Variants in CRTAC1 observed in about 807,000 individuals in gnomAD.
CRTAC1 encodes acidic secreted protein in cartilage.
Under a neutral mutation model 67.8 loss-of-function variants are expected in CRTAC1, and 37 were observed. The observed-to-expected ratio is 0.55, with a 90% CI of 0.42 to 0.72. CRTAC1 has a LOEUF of 0.72. CRTAC1 is among the 30% of genes least tolerant of loss of function. The pLI, the probability that CRTAC1 is intolerant of heterozygous loss-of-function variation, is 0.00. For synonymous variants in CRTAC1, 348 were observed against 371.0 expected (o/e 0.94, Z 0.71); for missense variants, 780 against 931.6 (o/e 0.84, Z 2.12).
At chr10:97,997,225 T>TA (rs1842596943) in intron 2 of CRTAC1, among the ~76,000 whole-genome samples, 1 of 120,734 alleles carries the variant, frequency 8.3e-6, no homozygotes, top group Non-Finnish European at 1.7e-5. Flanking sequence ...CCCTAAAACT[T>TA]AAAGTATAAT....
chr10:97,971,286 A>C (rs913201291), intron 2 of CRTAC1, among the ~76,000 whole-genome samples: 1 of 152,266 alleles, frequency 6.6e-6, no homozygotes, highest in African/African-American at 2.4e-5. Flanking sequence ...GCATAAACAA[A>C]ATGTGGTATA....
chr10:97,906,920 A>T (rs1451488201), intron 6 of CRTAC1, among the ~76,000 whole-genome samples: 10 of 152,232 alleles, frequency 6.6e-5, no homozygotes, highest in African/African-American at 2.4e-4. Flanking sequence ...CAGAGCTTGC[A>T]GGACCCTTGA....
chr10:97,886,627 T>A (rs2136544379), intron 11 of CRTAC1, among the ~76,000 whole-genome samples: 1 of 147,484 alleles, frequency 6.8e-6, no homozygotes. Context: ...GAGTGCCAAC[T>A]ACAGATTTTT....
chr10:97,922,782 C>T (rs2050858906), intron 4 of CRTAC1, among the ~76,000 whole-genome samples: 1 of 152,194 alleles, frequency 6.6e-6, no homozygotes, highest in African/African-American at 2.4e-5. Flanking sequence ...AGGCAACCCT[C>T]CCTTCACCCA....
intron 5 of CRTAC1, among the ~76,000 whole-genome samples, chr10:97,908,999 T>C (rs1274312550): frequency 6.6e-6 from 1 of 152,238 alleles, no homozygotes; most frequent in Non-Finnish European, 1.5e-5. Flanking sequence ...AGTTGGCCTT[T>C]TTTCTTTGAA....
At chr10:97,879,377 C>T (rs56234793) in intron 14 of CRTAC1, among the ~76,000 whole-genome samples, 4,239 of 152,152 alleles carry the variant, frequency 0.028, 216 homozygotes, top group African/African-American at 0.097. Flanking sequence ...AATGAGCTCA[C>T]GAGACACTGG....
At chr10:98,011,501 G>A (rs1290592515) in intron 1 of CRTAC1, among the ~76,000 whole-genome samples, 164 bp from the exon 2 acceptor site, 1 of 148,152 alleles carries the variant, frequency 6.7e-6, no homozygotes, top group Non-Finnish European at 1.5e-5. Context: ...CCCCTCCCTT[G>A]CCCTCCCCAC....
intron 1 of CRTAC1, among the ~76,000 whole-genome samples, chr10:98,016,537 T>C (rs1020651560): frequency 6.6e-6 from 1 of 152,092 alleles, no homozygotes; most frequent in Non-Finnish European, 1.5e-5. Context: ...TCCCAGGAAG[T>C]TGTCAGGTGA....
rs2051085432 is a variant in CRTAC1 at position 97,936,247 on chromosome 10, A to G, written c.344T>C (p.Ile115Thr). 6.2e-7 allele frequency: 1 copy of G among 1,613,982 alleles called. No homozygotes were observed. The highest frequency in any genetic ancestry group is 8.5e-7 in the Non-Finnish European group (1 of 1,179,986). Residue 115 changes from isoleucine (I) to threonine (T), a missense_variant, in exon 3 of 15, where the codon ATC (isoleucine) becomes ACC (threonine). Coordinates refer to ENST00000370597, the MANE Select transcript of CRTAC1 (RefSeq NM_018058.7). ...GTCGATGTCGCAGGCTGTGACCCCG[A>G]TGGCGTTCCCCTGCCGGTCCCGCAG... is the stretch of plus-strand genomic sequence containing the variant. ...YALRDRQGNA[I>T]GVTACDIDGD...
At chr10:97,978,879 C>T (rs994041060) in intron 2 of CRTAC1, among the ~76,000 whole-genome samples, 1 of 152,160 alleles carries the variant, frequency 6.6e-6, no homozygotes, top group Non-Finnish European at 1.5e-5. Context: ...TGGGCTGTCT[C>T]GTCTACCATT....
chr10:97,942,746 T>C lies in CRTAC1; in HGVS notation c.225-6380A>G, dbSNP rs532652316. On this transcript the variant is annotated intron_variant, in intron 2 of 14. Transcript: ENST00000370597. ...ATTAAGAACAGAGAAATTGTTTTCA[T>C]TAAAATTTTTTTTCCATTAAAAAGT... Among the ~76,000 whole-genome samples the C allele has an allele frequency of 1.6e-4, 25 of 152,016 alleles. No individual in the cohort carries two copies. In the South Asian group the frequency reaches 5.2e-3, roughly 32 times the overall value.
At chr10:97,896,613 T>C (rs1360601169) in intron 9 of CRTAC1, among the ~76,000 whole-genome samples, 5 of 152,108 alleles carry the variant, frequency 3.3e-5, no homozygotes, top group Non-Finnish European at 7.4e-5. Flanking sequence ...CATCCCCACC[T>C]GGCAAGGCAT....
At position 97,908,151 on chromosome 10, in the gene CRTAC1, G is replaced by C; in HGVS notation, c.716-4C>G. The C allele has an allele frequency of 6.2e-7, 1 of 1,613,922 alleles. No individual in the cohort carries two copies. The highest frequency in any genetic ancestry group is 8.5e-7 in the Non-Finnish European group (1 of 1,179,928). On this transcript the variant is annotated splice_polypyrimidine_tract_variant and splice_region_variant and intron_variant, in intron 5 of 14. Coordinates refer to ENST00000370597, the MANE Select transcript of CRTAC1 (RefSeq NM_018058.7). ...CCCACGCTGACGCCTCGGCCCCCTA[G>C]AAAAGACATCGACCCACAGTGAGTG...
At chr10:97,976,283 C>A (rs1322513913) in intron 2 of CRTAC1, among the ~76,000 whole-genome samples, 1 of 152,202 alleles carries the variant, frequency 6.6e-6, no homozygotes, top group African/African-American at 2.4e-5. Context: ...AACCAAATAT[C>A]TTGCATGTAG....
intron 1 of CRTAC1, among the ~76,000 whole-genome samples, chr10:98,025,709 G>C (rs186801430): frequency 3.3e-4 from 51 of 152,338 alleles, no homozygotes; most frequent in African/African-American, 1.1e-3. Flanking sequence ...GCAGAGCCCA[G>C]GCTGGCCTGG....
At chr10:97,886,745 A>G (rs1281446245) in intron 11 of CRTAC1, among the ~76,000 whole-genome samples, 1 of 151,264 alleles carries the variant, frequency 6.6e-6, no homozygotes, top group African/African-American at 2.4e-5. Flanking sequence ...CCCAGGTTGA[A>G]GCCATTCTCC....
At chr10:97,920,719 T>A (rs1040970458) in intron 4 of CRTAC1, among the ~76,000 whole-genome samples, 2 of 152,234 alleles carry the variant, frequency 1.3e-5, no homozygotes, top group African/African-American at 2.4e-5. Context: ...AATCCCTGGC[T>A]GCCTCCAGGC....
At chr10:97,873,634 G>T (rs1005917251) in intron 14 of CRTAC1, among the ~76,000 whole-genome samples, 2 of 152,164 alleles carry the variant, frequency 1.3e-5, no homozygotes, top group African/African-American at 4.8e-5. Flanking sequence ...TTGTGGGGAG[G>T]GTGCATTAAA....
At chr10:97,933,976 A>G (rs2051042679) in intron 3 of CRTAC1, among the ~76,000 whole-genome samples, 1 of 152,154 alleles carries the variant, frequency 6.6e-6, no homozygotes, top group Non-Finnish European at 1.5e-5. Flanking sequence ...TGGGCAGGGA[A>G]CCAGGGCTCT....
Sources: gnomAD v4.1 joint callset for allele counts (sites outside exome capture counted in the v4.1 genomes callset) on GRCh38, gnomAD v4.1.1 for gene constraint, MANE v1.5 for transcripts, NCBI Gene and HGNC (gene_info 2026-07-23, HGNC 2026-07-21) for gene names.